Variants in FAT3 observed in about 807,000 individuals in gnomAD.
FAT3 encodes the protein FAT atypical cadherin 3.
A neutral mutation model predicts 310.2 loss-of-function variants in FAT3; 95 were observed. The ratio of observed to expected loss-of-function variants is 0.31; its 90% confidence interval spans 0.26 to 0.36. The LOEUF (loss-of-function observed/expected upper bound fraction) is 0.36. Ranked by LOEUF, FAT3 falls within the 10% of genes least tolerant of loss-of-function variation. The probability of loss-of-function intolerance (pLI) is 1.00; values close to 1 mark genes in which losing one functional copy is unlikely to be tolerated. For synonymous variants in FAT3, 2,314 were observed against 2,192.9 expected (o/e 1.06, Z -1.54); for missense variants, 5,408 against 5,715.6 (o/e 0.95, Z 1.74).
At chr11:92,531,299 T>G (rs766325887) in intron 3 of FAT3, among the ~76,000 whole-genome samples, 44 of 152,190 alleles carry the variant, frequency 2.9e-4, no homozygotes, top group Non-Finnish European at 6.2e-4. Flanking sequence ...TCCACGTGAA[T>G]GTGCTCCACA....
At chr11:92,623,959 A>G (rs1376828120) in intron 3 of FAT3, among the ~76,000 whole-genome samples, 1 of 152,170 alleles carries the variant, frequency 6.6e-6, no homozygotes, top group Non-Finnish European at 1.5e-5. Flanking sequence ...AAAAAAAATT[A>G]AAATCGCTTA....
chr11:92,802,418 A>G (rs1947387549), intron 10 of FAT3, among the ~76,000 whole-genome samples: 2 of 152,174 alleles, frequency 1.3e-5, no homozygotes, highest in Non-Finnish European at 2.9e-5. Context: ...AATTATCACT[A>G]CAAATCAAGG....
intron 2 of FAT3, among the ~76,000 whole-genome samples, chr11:92,410,320 G>C (rs1950228840): frequency 6.6e-6 from 1 of 152,086 alleles, no homozygotes; most frequent in Admixed American, 6.6e-5. Context: ...GTGTGTATGT[G>C]TGTGCACGCG....
At chr11:92,885,609 T>C (rs1050366203) in intron 24 of FAT3, among the ~76,000 whole-genome samples, 3 of 152,158 alleles carry the variant, frequency 2.0e-5, no homozygotes, top group Non-Finnish European at 4.4e-5. Context: ...CCTCTCAAAT[T>C]ATCTGTTGAG....
intron 17 of FAT3, among the ~76,000 whole-genome samples, chr11:92,839,350 G>A (rs1375297920): frequency 1.3e-5 from 2 of 152,202 alleles, no homozygotes; most frequent in African/African-American, 2.4e-5. Flanking sequence ...CCTTTAGAGA[G>A]TAAGCAAACA....
At chr11:92,501,108 T>A (rs1952925602) in intron 2 of FAT3, among the ~76,000 whole-genome samples, 1 of 151,960 alleles carries the variant, frequency 6.6e-6, no homozygotes, top group African/African-American at 2.4e-5. Context: ...GAAGTCAGAG[T>A]TTCATTCCAC....
At chr11:92,420,051 G>C (rs979018835) in intron 2 of FAT3, among the ~76,000 whole-genome samples, 12 of 152,064 alleles carry the variant, frequency 7.9e-5, no homozygotes, top group Non-Finnish European at 1.6e-4. Flanking sequence ...TCAGAGCAAG[G>C]GTCAACAAAG....
At chr11:92,733,511 T>G (rs1412436788) in intron 4 of FAT3, among the ~76,000 whole-genome samples, 1 of 152,004 alleles carries the variant, frequency 6.6e-6, no homozygotes, top group East Asian at 1.9e-4. Context: ...GTTATCAAAT[T>G]ATAGGGTCCA....
At chr11:92,872,976 A>G (rs566823517) in intron 22 of FAT3, among the ~76,000 whole-genome samples, 2 of 152,288 alleles carry the variant, frequency 1.3e-5, no homozygotes, top group East Asian at 3.9e-4. Context: ...AGAGGTTTGG[A>G]TGTTTCCCAG....
chr11:92,532,540 T>C (rs1029754796), intron 3 of FAT3, among the ~76,000 whole-genome samples: 4 of 152,170 alleles, frequency 2.6e-5, no homozygotes, highest in Non-Finnish European at 5.9e-5. Flanking sequence ...GCTCTATGAA[T>C]ACTTGAAATA....
intron 3 of FAT3, among the ~76,000 whole-genome samples, chr11:92,640,006 T>C (rs1941900401): frequency 6.6e-6 from 1 of 152,176 alleles, no homozygotes; most frequent in Non-Finnish European, 1.5e-5. Context: ...AACATCGATT[T>C]CCCCTACTGT....
intron 3 of FAT3, among the ~76,000 whole-genome samples, chr11:92,641,451 G>A (rs536197458): frequency 8.5e-5 from 13 of 152,208 alleles, no homozygotes; most frequent in Admixed American, 2.6e-4. Context: ...CAAGGTTTCC[G>A]CAAGGCCATG....
rs376050116 is a variant in FAT3 at position 92,836,589 on chromosome 11, C to T, written c.10110C>T (p.Ser3370=). ...VILLIAEDVD[S]QPNGQIHFSI... Reference sequence around the variant, plus strand: ...AGCTAATAGCAGAAGATGTAGACAGCCAGCCCAACGGACAGATTCATTTTT... The same window carrying T: ...AGCTAATAGCAGAAGATGTAGACAGTCAGCCCAACGGACAGATTCATTTTT... The change falls in exon 16 of 28, where the codon AGC becomes AGT. Residue 3370 remains serine, a synonymous_variant. Transcript: ENST00000525166. The T allele has an allele frequency of 6.2e-7, 1 of 1,613,468 alleles. No homozygotes were observed. Among genetic ancestry groups the T allele is most frequent in the Non-Finnish European group, 8.5e-7 (1 of 1,179,704 alleles).
chr11:92,381,944 C>T (rs1236513010), intron 2 of FAT3, among the ~76,000 whole-genome samples: 1 of 152,094 alleles, frequency 6.6e-6, no homozygotes, highest in Non-Finnish European at 1.5e-5. Context: ...GTCCTTTCAG[C>T]AGGATTTTTG....
intron 1 of FAT3, among the ~76,000 whole-genome samples, chr11:92,334,250 C>T (rs1947996296): frequency 6.6e-6 from 1 of 152,014 alleles, no homozygotes. Context: ...GTGGCATGCA[C>T]CTGTGGTCCC....
chr11:92,488,458 C>CCCA (rs1555062376), intron 2 of FAT3, among the ~76,000 whole-genome samples: 1 of 93,574 alleles, frequency 1.1e-5, no homozygotes, highest in South Asian at 7.1e-4. Context: ...CCGCCCCCCC[C>CCCA]CCCGCCCCCC....
chr11:92,826,594 T>C (rs1330777891), intron 13 of FAT3, among the ~76,000 whole-genome samples: 6 of 152,226 alleles, frequency 3.9e-5, no homozygotes, highest in African/African-American at 1.4e-4. Context: ...TGTTATGATA[T>C]GTGATTATGA....
At chr11:92,242,751 C>T (rs1375461903) in intron 1 of FAT3, among the ~76,000 whole-genome samples, 9 of 151,936 alleles carry the variant, frequency 5.9e-5, no homozygotes, top group East Asian at 1.9e-4. Flanking sequence ...CTTATGGTCA[C>T]CCCTGGAAAT....
chr11:92,717,263 C>T (rs994131660), intron 4 of FAT3, among the ~76,000 whole-genome samples: 1 of 152,180 alleles, frequency 6.6e-6, no homozygotes, highest in Non-Finnish European at 1.5e-5. Context: ...GATGCAAATG[C>T]AGAAGGGCAT....
Sources: gnomAD v4.1 joint callset for allele counts (sites outside exome capture counted in the v4.1 genomes callset) on GRCh38, gnomAD v4.1.1 for gene constraint, MANE v1.5 for transcripts, NCBI Gene and HGNC (gene_info 2026-07-23, HGNC 2026-07-21) for gene names.